The following ACTN4 variants were observed in gnomAD, a reference collection of about 807,000 sequenced individuals.
ACTN4 encodes actinin alpha 4.
Under a neutral mutation model 114.2 loss-of-function variants are expected in ACTN4, and 18 were observed. That is an observed-to-expected ratio of 0.16 (90% CI 0.11 to 0.23). The LOEUF is 0.23. Among genes scored for constraint, ACTN4 ranks in the 10% least tolerant of loss-of-function variants. The pLI is 1.00. For synonymous variants in ACTN4, 515 were observed against 506.3 expected (o/e 1.02, Z -0.23); for missense variants, 722 against 1,262.9 (o/e 0.57, Z 6.49).
chr19:38,657,358 G>A (rs998794863), intron 1 of ACTN4, among the ~76,000 whole-genome samples: 1 of 152,154 alleles, frequency 6.6e-6, no homozygotes, highest in Admixed American at 6.5e-5. Context: ...GGCCAGGCTG[G>A]TCTTGAGCTC....
rs1158506646 is a variant in ACTN4, at chr19:38,714,637, A to G, written c.912+76A>G. 5.4e-6 allele frequency: 8 copies of G among 1,473,162 alleles called. No homozygotes were observed. In the African/African-American group the frequency reaches 8.3e-5, roughly 15 times the overall value. 91.3% of individuals were successfully genotyped at this position (1,473,162 alleles called of 1,614,324 possible). A position where few individuals can be genotyped will look rare whatever the true frequency, so the allele number is the denominator to read the frequency against. On this transcript the variant is annotated intron_variant, in intron 9 of 20. Transcript: ENST00000252699. Reference sequence around the variant, plus strand: ...AGGTCACTGTGACTCTTGCAGGGGGAAAGCAGGTGTGGCAGCGAGATGACC... The same window carrying G: ...AGGTCACTGTGACTCTTGCAGGGGGGAAGCAGGTGTGGCAGCGAGATGACC...
intron 11 of ACTN4, among the ~76,000 whole-genome samples, chr19:38,719,672 C>G (rs909734625): frequency 6.6e-6 from 1 of 152,270 alleles, no homozygotes; most frequent in Non-Finnish European, 1.5e-5. Context: ...ATTCGTTCAA[C>G]AGACAGCTCA....
At chr19:38,714,178 C>G (rs955021009) in intron 8 of ACTN4, among the ~76,000 whole-genome samples, 1 of 152,226 alleles carries the variant, frequency 6.6e-6, no homozygotes, top group Non-Finnish European at 1.5e-5. Flanking sequence ...GCCTCACCCT[C>G]CTCTGTGTGG....
intron 1 of ACTN4, among the ~76,000 whole-genome samples, chr19:38,696,005 C>T (rs1477514842): frequency 1.3e-5 from 2 of 152,116 alleles, no homozygotes; most frequent in Admixed American, 1.3e-4. Context: ...CCCTCCGTTT[C>T]CTCATCTGCA....
chr19:38,712,252 G>A (rs1202125118), intron 8 of ACTN4, among the ~76,000 whole-genome samples: 1 of 152,044 alleles, frequency 6.6e-6, no homozygotes, highest in Non-Finnish European at 1.5e-5. Context: ...TAGAAGGGGG[G>A]GGCCGTACCT....
rs184494356 is a variant in ACTN4, at chr19:38,697,606, A to G, written c.163-2994A>G. On this transcript the variant is annotated intron_variant, in intron 1 of 20. Transcript: ENST00000252699. ...CCCAAACCCAGGTCTGTGCCCCTGC[A>G]GAGCCTGCAGGAGCAGCCCACACAG... is the stretch of plus-strand genomic sequence containing the variant. 1.2e-4 allele frequency among the ~76,000 whole-genome samples: 19 copies of G among 152,388 alleles called. No homozygotes were observed. The East Asian group carries it at 3.5e-3, about 28-fold the overall frequency.
chr19:38,729,218 TGA>T, intron 20 of ACTN4, 54 bp from the exon 21 acceptor site: 1 of 1,612,660 alleles, frequency 6.2e-7, no homozygotes, highest in Non-Finnish European at 8.5e-7. Flanking sequence ...TGGGAGGGGC[TGA>T]GGGGGCCAGT....
At position 38,730,560 on chromosome 19, in the gene ACTN4, T is replaced by A; in HGVS notation, c.*1128T>A. The stretch of plus-strand genomic sequence containing the variant: ...CTGCAGCATCATCTTTTTTTATTTC[T>A]CCTGTGTCTGTCCTCCACCTTCTAG... On this transcript the variant is annotated 3_prime_UTR_variant, in exon 21 of 21. Coordinates refer to ENST00000252699, the MANE Select transcript of ACTN4 (RefSeq NM_004924.6). 1 of 504,926 alleles carries A rather than the reference T, an allele frequency of 2.0e-6. No homozygotes were observed. The allele number at this position is 504,926 out of a possible 1,614,324, so 31.3% of individuals were successfully genotyped here. A position where few individuals can be genotyped will look rare whatever the true frequency, so the allele number is the denominator to read the frequency against.
chr19:38,681,580 A>G (rs8103530), intron 1 of ACTN4, among the ~76,000 whole-genome samples: 11,287 of 152,250 alleles, frequency 0.074, 466 homozygotes, highest in South Asian at 0.12. Context: ...CCAGGTCACC[A>G]CTGATCGCAA....
chr19:38,714,384 T>C, intron 8 of ACTN4, 85 bp from the exon 9 acceptor site: 6 of 1,276,298 alleles, frequency 4.7e-6, no homozygotes, highest in Non-Finnish European at 4.5e-6. Context: ...CCGTGGGCCA[T>C]GGACCAGCTG....
chr19:38,710,406 C>T (rs1321606971), intron 8 of ACTN4, 64 bp downstream of exon 8: 4 of 1,529,660 alleles, frequency 2.6e-6, no homozygotes, highest in Middle Eastern at 1.8e-4. Context: ...CTGCCTCTCG[C>T]CTCCCGTGCT....
At chr19:38,723,758 G>T in intron 13 of ACTN4, 36 bp downstream of exon 13, 6 of 1,541,862 alleles carry the variant, frequency 3.9e-6, no homozygotes, top group Non-Finnish European at 5.3e-6. Context: ...GGAGCTCTGT[G>T]CCCCTGCTGC....
intron 1 of ACTN4, among the ~76,000 whole-genome samples, chr19:38,693,012 T>C (rs1967979697): frequency 6.6e-6 from 1 of 152,206 alleles, no homozygotes. Context: ...TGGGGCTGGC[T>C]GTGGCCAGTT....
Position 38,731,369 on chromosome 19 carries a change from T to C in ACTN4, c.*1937T>C. The C allele has an allele frequency of 1.5e-6, 1 of 662,572 alleles. No individual in the cohort carries two copies. The highest frequency in any genetic ancestry group is 2.7e-5 in the East Asian group (1 of 37,044). 41.0% of individuals were successfully genotyped at this position (662,572 alleles called of 1,614,324 possible). On this transcript the variant is annotated 3_prime_UTR_variant, in exon 21 of 21. Transcript: ENST00000252699. ...CCATCCCGGCAGGGTGAGTACAGGC[T>C]GATCCCTTCAATCCTCTGGGCCTGT...
Position 38,723,680 on chromosome 19 carries a change from C to T in ACTN4, c.1509C>T (p.Asp503=), listed in dbSNP as rs750084549. The T allele has an allele frequency of 7.4e-6, 12 of 1,613,258 alleles. No homozygotes were observed. Among genetic ancestry groups the T allele is most frequent in the Admixed American group, 3.3e-5 (2 of 59,930 alleles). ...GCCAGAAGATCTGTGACCAGTGGGA[C>T]GCCCTCGGCTCTCTGACACATAGTC... ...TRCQKICDQW[D]ALGSLTHSRR... is the part of the protein sequence containing the mutation. The change falls in exon 13 of 21, where the codon GAC becomes GAT. Residue 503 remains aspartate (D), a synonymous_variant. Coordinates refer to ENST00000252699, the MANE Select transcript of ACTN4 (RefSeq NM_004924.6).
intron 1 of ACTN4, among the ~76,000 whole-genome samples, chr19:38,680,117 T>C (rs1729969326): frequency 6.6e-6 from 1 of 151,340 alleles, no homozygotes; most frequent in African/African-American, 2.4e-5. Flanking sequence ...GATGCATCTC[T>C]CTCCCCTATC....
At position 38,668,394 on chromosome 19, in the gene ACTN4, T is replaced by C. The variant is rs1400838510; in HGVS notation, c.162+20487T>C. 4.6e-5 allele frequency among the ~76,000 whole-genome samples: 7 copies of C among 152,288 alleles called. No individual in the cohort carries two copies. The South Asian group carries it at 1.4e-3, about 32-fold the overall frequency. On this transcript the variant is annotated intron_variant, in intron 1 of 20. Transcript: ENST00000252699. ...CCCAACCCTGTCCTTAAAGAAAAGA[T>C]GGACGATGAAGGGCCAGGCGCAGTG...
chr19:38,712,306 A>G (rs1599839430), intron 8 of ACTN4, among the ~76,000 whole-genome samples: 1 of 152,062 alleles, frequency 6.6e-6, no homozygotes, highest in Non-Finnish European at 1.5e-5. Flanking sequence ...CAGGTGCATT[A>G]CCTACCGTCA....
chr19:38,722,641 C>G (rs1324488673), intron 12 of ACTN4, among the ~76,000 whole-genome samples: 2 of 152,198 alleles, frequency 1.3e-5, no homozygotes, highest in Non-Finnish European at 2.9e-5. Context: ...TTGGGGCACT[C>G]CAGGGGTCCT....
Sources: allele counts gnomAD v4.1 joint callset (sites outside exome capture counted in the v4.1 genomes callset), GRCh38; gene constraint gnomAD v4.1.1; transcripts MANE v1.5; gene names NCBI Gene and HGNC (gene_info 2026-07-23, HGNC 2026-07-21).